The following PDHA1 variants were observed in gnomAD, a reference collection of about 807,000 sequenced individuals.
The protein encoded by PDHA1 is pyruvate dehydrogenase E1 subunit alpha 1, also known as pyruvate dehydrogenase E1 component subunit alpha, somatic form, mitochondrial.
Under a neutral mutation model 33.0 loss-of-function variants are expected in PDHA1, and 1 was observed. That is an observed-to-expected ratio of 0.03 (90% CI 0.01 to 0.14). The LOEUF is 0.14. PDHA1 is among the 10% of genes least tolerant of loss of function. The probability of loss-of-function intolerance (pLI) is 1.00; values close to 1 mark genes in which losing one functional copy is unlikely to be tolerated. For missense variants in PDHA1, 168 were observed against 325.1 expected (o/e 0.52, Z 3.72); for synonymous variants, 123 against 119.2 (o/e 1.03, Z -0.21).
At chrX:19,353,902 T>TTC (rs901258395) in intron 5 of PDHA1, among the ~76,000 whole-genome samples, 9 of 111,734 alleles carry the variant, frequency 8.1e-5, no homozygotes, top group Non-Finnish European at 1.9e-5. Context: ...TTCTTTTCCT[T>TTC]TCTAATATAT....
In PDHA1 at chrX:19,358,994, C is replaced by T. The variant is rs779045292; in HGVS notation, c.978C>T (p.Asn326=). 1.4e-5 allele frequency: 16 copies of T among 1,181,282 alleles called. No homozygotes were observed. The highest frequency in any genetic ancestry group is 1.8e-5 in the South Asian group (1 of 56,285). The change falls in exon 10 of 11, where the codon AAC becomes AAT. Residue 326 remains asparagine (N), a synonymous_variant. Transcript: ENST00000422285. ...TGCTTCTCAAGGACAGGATGGTGAA[C>T]AGCAATCTTGCCAGTGTGGAAGAAC... The part of the protein sequence containing the change: ...PIMLLKDRMV[N]SNLASVEELK...
intron 9 of PDHA1, 141 bp from the exon 10 acceptor site, chrX:19,358,775 G>T: frequency 2.0e-6 from 1 of 501,106 alleles, no homozygotes; most frequent in East Asian, 3.7e-5. Context: ...CATAAGCATT[G>T]GTATGCCCCT....
intron 4 of PDHA1, among the ~76,000 whole-genome samples, chrX:19,352,268 C>A (rs1379701159): frequency 9.9e-6 from 1 of 100,651 alleles, no homozygotes; most frequent in Non-Finnish European, 2.0e-5. Flanking sequence ...CTCTTTCACC[C>A]AGGCTGGAGT....
intron 1 of PDHA1, chrX:19,346,498 T>A (rs1302882492): frequency 2.2e-6 from 1 of 453,005 alleles, no homozygotes; most frequent in Non-Finnish European, 3.9e-6. Flanking sequence ...AAAAAAATTT[T>A]TTTTTTACTA....
chrX:19,351,619 G>T (rs1359825731), intron 4 of PDHA1: 1 of 393,988 alleles, frequency 2.5e-6, no homozygotes, highest in Non-Finnish European at 4.4e-6. Context: ...TTTAAAACAG[G>T]TTGGTGCTAT....
Position 19,355,716 on chromosome X carries a change from G to C in PDHA1, c.790G>C (p.Glu264Gln), listed in dbSNP as rs767850573. 8.3e-7 allele frequency: 1 copy of C among 1,209,403 alleles called. No individual in the cohort carries two copies. Among genetic ancestry groups the C allele is most frequent in the Non-Finnish European group, 1.1e-6 (1 of 893,119 alleles). Residue 264 changes from glutamate (E) to glutamine (Q), a missense_variant, in exon 8 of 11, where the codon GAG (glutamate) becomes CAG (glutamine). Glu to Gln is a conservative substitution (Grantham distance 29). Around this residue, in one of 5 missense-constraint regions of PDHA1, gnomAD observed 27 missense variants for 43.8 expected, o/e 0.62. Coordinates refer to ENST00000422285, the MANE Select transcript of PDHA1 (RefSeq NM_000284.4). ...TGGAATGGATATCCTGTGCGTCCGA[G>C]AGGCAACAAGGTTTGCTGCTGCCTA... ...VDGMDILCVR[E>Q]ATRFAAAYCR...
In PDHA1 at chrX:19,351,502, T is replaced by A. The variant is rs1283471225; in HGVS notation, c.418+95T>A. 4.8e-6 allele frequency: 4 copies of A among 834,097 alleles called. No homozygotes were observed. In the African/African-American group the frequency reaches 8.2e-5, roughly 17 times the overall value. The allele number at this position is 834,097 out of a possible 1,213,427, so 68.7% of individuals were successfully genotyped here. A position where few individuals can be genotyped will look rare whatever the true frequency, so the allele number is the denominator to read the frequency against. ...ATTATGAGTTAATATTTGTTAAAAA[T>A]TTTAAGTTTCTTTTTTTAACCCTCT... On this transcript the variant is annotated intron_variant, in intron 4 of 10. Transcript: ENST00000422285.
chrX:19,356,701 G>GTGAC (rs1272287318), intron 8 of PDHA1, among the ~76,000 whole-genome samples: 8 of 96,782 alleles, frequency 8.3e-5, no homozygotes. Context: ...TGTAGAATGT[G>GTGAC]TGACTTTCCC....
intron 8 of PDHA1, chrX:19,357,267 G>GTAT (rs1451463792): frequency 9.0e-6 from 2 of 221,401 alleles, no homozygotes; most frequent in Non-Finnish European, 1.7e-5. Context: ...GCTAATTTTT[G>GTAT]TATTTTTTGA....
chrX:19,356,733 C>T (rs2063203116), intron 8 of PDHA1, among the ~76,000 whole-genome samples: 1 of 89,028 alleles, frequency 1.1e-5, no homozygotes, highest in African/African-American at 9.8e-5. Flanking sequence ...CTTCACAATT[C>T]TGAGTTAGGT....
chrX:19,343,977 G>A lies in PDHA1; in HGVS notation c.-61G>A, dbSNP rs1037786265. ...TGGGGCACCTGAAGGAGACTTGGGG[G>A]CACCCGCGTCGTGCCTCCTGGGTTG... On this transcript the variant is annotated 5_prime_UTR_variant, in exon 1 of 11. Coordinates refer to ENST00000422285, the MANE Select transcript of PDHA1 (RefSeq NM_000284.4). 1.5e-5 allele frequency: 16 copies of A among 1,076,104 alleles called. No homozygotes were observed. Among genetic ancestry groups the A allele is most frequent in the Non-Finnish European group, 2.1e-5 (16 of 777,081 alleles). 88.7% of individuals were successfully genotyped at this position (1,076,104 alleles called of 1,213,427 possible).
chrX:19,344,185 G>C lies in PDHA1; in HGVS notation c.57+91G>C, dbSNP rs1272941568. 8.9e-6 allele frequency: 7 copies of C among 789,202 alleles called. No individual in the cohort carries two copies. In the East Asian group the frequency reaches 2.0e-4, roughly 23 times the overall value. The allele number at this position is 789,202 out of a possible 1,213,427, so 65.0% of individuals were successfully genotyped here. The stretch of plus-strand genomic sequence containing the variant: ...CGGGCCAGGCCGGGCCACCCAGAGC[G>C]GGGTGGAAGGCGCCAGGGGAGCCGG... On this transcript the variant is annotated intron_variant, in intron 1 of 10. Coordinates refer to ENST00000422285, the MANE Select transcript of PDHA1 (RefSeq NM_000284.4).
chrX:19,357,540 T>TAAGA, intron 8 of PDHA1, 112 bp from the exon 9 acceptor site: 1 of 606,457 alleles, frequency 1.6e-6, no homozygotes, highest in Admixed American at 2.2e-5. Flanking sequence ...GAAGATCTGA[T>TAAGA]AAGACTACAC....
At chrX:19,355,574 C>T (rs999399233) in intron 7 of PDHA1, 70 bp downstream of exon 7, 53 of 1,163,426 alleles carry the variant, frequency 4.6e-5, no homozygotes, top group Middle Eastern at 2.3e-4. Flanking sequence ...AGACCCTTGA[C>T]GATCTTAGAA....
chrX:19,359,810 G>A lies in PDHA1; in HGVS notation c.*157G>A, dbSNP rs1355812752. On this transcript the variant is annotated 3_prime_UTR_variant, in exon 11 of 11. Coordinates refer to ENST00000422285, the MANE Select transcript of PDHA1 (RefSeq NM_000284.4). ...AGCAGGTAGTAATTGCATGCAGTTT[G>A]TACATTAGTGCATTAAAAGATGAAT... The A allele has an allele frequency of 2.0e-6, 1 of 512,747 alleles. No individual in the cohort carries two copies. The highest frequency in any genetic ancestry group is 3.6e-5 in the East Asian group (1 of 27,596). The allele number at this position is 512,747 out of a possible 1,213,427, so 42.3% of individuals were successfully genotyped here. A position where few individuals can be genotyped will look rare whatever the true frequency, so the allele number is the denominator to read the frequency against.
Position 19,351,307 on chromosome X carries a change from C to G in PDHA1, c.318C>G (p.Ala106=). 8.3e-7 allele frequency: 1 copy of G among 1,204,567 alleles called. No individual in the cohort carries two copies. The highest frequency in any genetic ancestry group is 1.1e-6 in the Non-Finnish European group (1 of 888,971). Residue 106 remains alanine, a synonymous_variant, in exon 4 of 11, where the codon GCC becomes GCG. Coordinates refer to ENST00000422285, the MANE Select transcript of PDHA1 (RefSeq NM_000284.4). ...AAGCTTGCTGTGTGGGCCTGGAGGC[C>G]GGCATCAACCCCACAGACCATCTCA... ...GQEACCVGLE[A]GINPTDHLIT...
chrX:19,355,521 TGGGGCC>T lies in PDHA1; in HGVS notation c.759+24_759+29del, dbSNP rs747312889. 44 of 1,192,233 alleles carry T rather than the reference TGGGGCC, an allele frequency of 3.7e-5. No homozygotes were observed. The highest frequency in any genetic ancestry group is 4.6e-5 in the Non-Finnish European group (41 of 892,778). The stretch of plus-strand genomic sequence containing the variant: ...GGGCTGAGAGTAAGGACACCTGTGG[TGGGGCC>T]GGGGCCAAGGCCAAGGCCAAGGGTA... On this transcript the variant is annotated intron_variant, in intron 7 of 10. Coordinates refer to ENST00000422285, the MANE Select transcript of PDHA1 (RefSeq NM_000284.4).
Position 19,361,523 on chromosome X carries a change from C to T in PDHA1, c.*1870C>T, listed in dbSNP as rs1602237492. On this transcript the variant is annotated 3_prime_UTR_variant, in exon 11 of 11. Coordinates refer to ENST00000422285, the MANE Select transcript of PDHA1 (RefSeq NM_000284.4). ...CAATTGTCTTTGCATCAGCTCCTTG[C>T]AGCCGCAACCAGTCTATAAGCTCTT... 8.3e-7 allele frequency: 1 copy of T among 1,211,173 alleles called. No individual in the cohort carries two copies. Among genetic ancestry groups the T allele is most frequent in the Non-Finnish European group, 1.1e-6 (1 of 894,800 alleles).
chrX:19,357,257 G>A (rs1248978439), intron 8 of PDHA1: 3 of 222,543 alleles, frequency 1.3e-5, no homozygotes, highest in Non-Finnish European at 2.5e-5. Context: ...ACCATGCCTG[G>A]CTAATTTTTG....
Sources: gnomAD v4.1 joint callset for allele counts (sites outside exome capture counted in the v4.1 genomes callset) on GRCh38, gnomAD v4.1.1 for gene constraint, gnomAD v4.1.1 regional missense constraint, MANE v1.5 for transcripts, NCBI Gene and HGNC (gene_info 2026-07-23, HGNC 2026-07-21) for gene names.